Variants in PDE4D observed in about 807,000 individuals in gnomAD.
The protein encoded by PDE4D is 3',5'-cyclic-AMP phosphodiesterase 4D.
A neutral mutation model predicts 87.4 loss-of-function variants in PDE4D; 24 were observed. The ratio of observed to expected loss-of-function variants is 0.27; its 90% CI spans 0.20 to 0.39. PDE4D has a LOEUF of 0.39. PDE4D is among the 10% of genes least tolerant of loss of function. The pLI is 1.00. For missense variants in PDE4D, 714 were observed against 1,041.0 expected (o/e 0.69, Z 4.32); for synonymous variants, 384 against 383.2 (o/e 1.00, Z -0.02).
chr5:60,509,903 C>T (rs114487734), intron 1 of PDE4D, among the ~76,000 whole-genome samples: 6,404 of 152,158 alleles, frequency 0.042, 165 homozygotes, highest in Non-Finnish European at 0.064. Context: ...GTATGGAGGA[C>T]GATGAAAGGG....
intron 6 of PDE4D, among the ~76,000 whole-genome samples, chr5:59,020,266 G>C (rs1295695523): frequency 1.3e-5 from 2 of 152,110 alleles, no homozygotes; most frequent in East Asian, 3.9e-4. Flanking sequence ...CTTGAGGCCA[G>C]GAGTTTGAGA....
intron 1 of PDE4D, among the ~76,000 whole-genome samples, chr5:59,230,927 T>C (rs1259871540): frequency 2.0e-5 from 3 of 152,186 alleles, no homozygotes; most frequent in Non-Finnish European, 4.4e-5. Flanking sequence ...AAGAATATTA[T>C]CTTACGATGG....
chr5:59,782,837 C>A (rs1764764569), intron 1 of PDE4D, among the ~76,000 whole-genome samples: 2 of 152,124 alleles, frequency 1.3e-5, no homozygotes, highest in Non-Finnish European at 2.9e-5. Flanking sequence ...TAAAGACCAG[C>A]AATGAAAGAC....
intron 1 of PDE4D, among the ~76,000 whole-genome samples, chr5:60,353,550 G>A (rs1259693361): frequency 6.6e-6 from 1 of 152,154 alleles, no homozygotes. Context: ...CTGAACTCAT[G>A]TCAACTAAAG....
intron 3 of PDE4D, among the ~76,000 whole-genome samples, chr5:59,968,672 T>G (rs34648232): frequency 1.4e-5 from 1 of 70,150 alleles, no homozygotes; most frequent in Non-Finnish European, 4.6e-5. Context: ...TAGTGAAACC[T>G]AGATTTGATA....
Position 59,786,513 on chromosome 5 carries a change from C to T in PDE4D, c.455+106655G>A, listed in dbSNP as rs115655791. Among the ~76,000 whole-genome samples the T allele has an allele frequency of 3.6e-3, 549 of 152,314 alleles. 4 individuals carry two copies. The highest frequency in any genetic ancestry group is 0.013 in the African/African-American group (528 of 41,566). On this transcript the variant is annotated intron_variant, in intron 1 of 14. Coordinates refer to ENST00000340635, the MANE Select transcript of PDE4D (RefSeq NM_001104631.2). Reference sequence around the variant, plus strand: ...GCTGTAAAACCTCAGCTTCCTGAGGCTATCCGAGTGATGATGAAGCACTTG... The same window carrying T: ...GCTGTAAAACCTCAGCTTCCTGAGGTTATCCGAGTGATGATGAAGCACTTG...
At chr5:59,998,554 C>G (rs1763728096) in intron 2 of PDE4D, among the ~76,000 whole-genome samples, 2 of 152,060 alleles carry the variant, frequency 1.3e-5, no homozygotes, top group South Asian at 4.1e-4. Context: ...ATCTATACAA[C>G]TTTTCCAAGA....
chr5:59,131,514 T>C (rs1161681874), intron 5 of PDE4D, among the ~76,000 whole-genome samples: 1 of 151,904 alleles, frequency 6.6e-6, no homozygotes, highest in Non-Finnish European at 1.5e-5. Context: ...TAATCATTCC[T>C]GAACAGCACG....
intron 5 of PDE4D, among the ~76,000 whole-genome samples, chr5:59,068,099 T>C (rs1764204024): frequency 1.3e-5 from 2 of 152,214 alleles, no homozygotes; most frequent in African/African-American, 4.8e-5. Context: ...ATTTGAGCTC[T>C]AGGTTAAAAG....
rs372946517 is a variant in PDE4D at position 59,893,498 on chromosome 5, G to T, written c.125C>A (p.Pro42Gln). Reference protein sequence around the residue: ...LWRHEQHHQYPLRQPQFRLLH... With the variant: ...LWRHEQHHQYQLRQPQFRLLH... ...GAGGCGGAACTGGGGCTGCCGGAGC[G>T]GGTACTGGTGGTGCTGCTCGTGCCT... is the stretch of plus-strand genomic sequence containing the variant. Residue 42 changes from proline to glutamine, a missense_variant, in exon 1 of 15, where the codon CCG (proline) becomes CAG (glutamine). By Grantham distance (76) the Pro-to-Gln change is moderately conservative. Around this residue, in one of 7 missense-constraint regions of PDE4D, gnomAD observed 268 missense variants for 272.9 expected, o/e 0.98. Transcript: ENST00000340635. The T allele has an allele frequency of 3.3e-4, 504 of 1,540,850 alleles. No homozygotes were observed. The highest frequency in any genetic ancestry group is 7.8e-4 in the Admixed American group (39 of 50,090).
intron 1 of PDE4D, among the ~76,000 whole-genome samples, chr5:59,220,955 CAAT>C (rs1233656008): frequency 6.6e-6 from 1 of 151,950 alleles, no homozygotes; most frequent in Non-Finnish European, 1.5e-5. Flanking sequence ...ATGATGGTGG[CAAT>C]AATAATAATG....
chr5:60,478,065 G>T (rs535403154), intron 1 of PDE4D, among the ~76,000 whole-genome samples: 3 of 152,204 alleles, frequency 2.0e-5, no homozygotes, highest in African/African-American at 7.2e-5. Flanking sequence ...ATACAACTTG[G>T]ATAATTCCCT....
chr5:59,822,122 G>A (rs923748079), intron 1 of PDE4D, among the ~76,000 whole-genome samples: 6 of 152,016 alleles, frequency 3.9e-5, no homozygotes, highest in South Asian at 2.1e-4. Context: ...TGATACTGAC[G>A]AAAAATTGGT....
intron 2 of PDE4D, among the ~76,000 whole-genome samples, chr5:60,127,920 C>T (rs1198431952): frequency 1.3e-5 from 2 of 152,028 alleles, no homozygotes; most frequent in Non-Finnish European, 1.5e-5. Flanking sequence ...GCATTGCCAA[C>T]ACTTAATGGT....
chr5:60,217,268 G>A (rs909178342), intron 1 of PDE4D, among the ~76,000 whole-genome samples: 1 of 151,916 alleles, frequency 6.6e-6, no homozygotes, highest in Non-Finnish European at 1.5e-5. Context: ...GAGGAATGGG[G>A]AGTTGTTGTT....
At chr5:59,313,404 TA>T (rs1432561196) in intron 1 of PDE4D, among the ~76,000 whole-genome samples, 7 of 152,134 alleles carry the variant, frequency 4.6e-5, no homozygotes, top group Non-Finnish European at 8.8e-5. Flanking sequence ...GGTATCCACT[TA>T]ATATTTACCC....
At chr5:59,547,984 GTC>G (rs1194732935) in intron 1 of PDE4D, among the ~76,000 whole-genome samples, 3 of 152,164 alleles carry the variant, frequency 2.0e-5, no homozygotes, top group African/African-American at 2.4e-5. Flanking sequence ...GCCTTGTGCT[GTC>G]TGAGCTTTCT....
At chr5:59,160,752 T>C (rs964852229) in intron 5 of PDE4D, among the ~76,000 whole-genome samples, 3 of 152,084 alleles carry the variant, frequency 2.0e-5, no homozygotes, top group Non-Finnish European at 4.4e-5. Context: ...CTAACTCCCT[T>C]AGTGGCAGGC....
intron 6 of PDE4D, among the ~76,000 whole-genome samples, chr5:59,011,239 T>C (rs377676273): frequency 2.0e-4 from 30 of 152,222 alleles, no homozygotes; most frequent in African/African-American, 7.2e-4. Context: ...GCTCCTCTTC[T>C]CCTCCAAAGG....
Sources: gnomAD v4.1 joint callset for allele counts (sites outside exome capture counted in the v4.1 genomes callset) on GRCh38, gnomAD v4.1.1 for gene constraint, gnomAD v4.1.1 regional missense constraint, MANE v1.5 for transcripts, NCBI Gene and HGNC (gene_info 2026-07-23, HGNC 2026-07-21) for gene names.